The following CBFB variants were observed in gnomAD, a reference collection of about 807,000 sequenced individuals.
CBFB encodes the protein CBF-beta.
A neutral mutation model predicts 30.4 loss-of-function variants in CBFB; 9 were observed. The observed-to-expected ratio is 0.30, with a 90% CI of 0.18 to 0.52. The LOEUF is 0.52. Among genes scored for constraint, CBFB ranks in the 20% least tolerant of loss-of-function variants. The probability of loss-of-function intolerance (pLI) is 0.97; values close to 1 mark genes in which losing one functional copy is unlikely to be tolerated. For synonymous variants in CBFB, 94 were observed against 84.0 expected, an observed-to-expected ratio of 1.12 and a Z score of -0.65; for missense variants, 170 against 244.0, an observed-to-expected ratio of 0.70 and a Z score of 2.02.
At chr16:67,096,211 C>T (rs1470358276) in intron 5 of CBFB, among the ~76,000 whole-genome samples, 1 of 151,312 alleles carries the variant, frequency 6.6e-6, no homozygotes, top group East Asian at 2.0e-4. Context: ...GCTTGGGAGG[C>T]GGGGCAGGAG....
At chr16:67,064,057 T>C (rs181565534) in intron 3 of CBFB, among the ~76,000 whole-genome samples, 1 of 152,332 alleles carries the variant, frequency 6.6e-6, no homozygotes, top group Admixed American at 6.5e-5. Context: ...AATATATATT[T>C]GATAATCTGC....
chr16:67,073,847 C>T (rs1482008889), intron 4 of CBFB, among the ~76,000 whole-genome samples: 1 of 151,754 alleles, frequency 6.6e-6, no homozygotes, highest in Admixed American at 6.6e-5. Flanking sequence ...ACCAGCCTGG[C>T]CAACATGGTG....
At chr16:67,063,658 A>T (rs1960972796) in intron 3 of CBFB, among the ~76,000 whole-genome samples, 1 of 152,078 alleles carries the variant, frequency 6.6e-6, no homozygotes. Context: ...GTCCCAGCTG[A>T]TCTTGAACTC....
intron 4 of CBFB, among the ~76,000 whole-genome samples, chr16:67,070,826 G>C (rs1208286318): frequency 6.6e-6 from 1 of 152,174 alleles, no homozygotes; most frequent in East Asian, 1.9e-4. Context: ...ACTCCAGCCT[G>C]GGTGACAGAG....
intron 3 of CBFB, among the ~76,000 whole-genome samples, chr16:67,064,254 T>C (rs1960991530): frequency 6.6e-6 from 1 of 152,256 alleles, no homozygotes; most frequent in South Asian, 2.1e-4. Context: ...TCACCCAGGC[T>C]GGAGTGCAGT....
intron 3 of CBFB, among the ~76,000 whole-genome samples, chr16:67,044,082 A>T (rs16957128): frequency 0.036 from 5,543 of 152,290 alleles, 148 homozygotes; most frequent in South Asian, 0.078. Flanking sequence ...CTTATTTCCA[A>T]TTACTTTTAT....
chr16:67,059,338 A>G (rs1041238323), intron 3 of CBFB, among the ~76,000 whole-genome samples: 4 of 152,196 alleles, frequency 2.6e-5, no homozygotes, highest in Non-Finnish European at 5.9e-5. Context: ...AAAGAAGAAC[A>G]TTTACCATCT....
At chr16:67,066,255 T>C (rs572190357) in intron 3 of CBFB, among the ~76,000 whole-genome samples, 10 of 151,938 alleles carry the variant, frequency 6.6e-5, no homozygotes, top group Non-Finnish European at 1.5e-4. Context: ...CATTCAAAAA[T>C]CAAAGTGTCT....
chr16:67,047,911 A>G (rs1966658334), intron 3 of CBFB, among the ~76,000 whole-genome samples: 1 of 152,052 alleles, frequency 6.6e-6, no homozygotes, highest in South Asian at 2.1e-4. Context: ...TCTACTAGGA[A>G]TGCAAAAATT....
intron 3 of CBFB, among the ~76,000 whole-genome samples, chr16:67,064,199 T>G (rs946730911): frequency 6.6e-6 from 1 of 152,144 alleles, no homozygotes; most frequent in Non-Finnish European, 1.5e-5. Context: ...CCTAAAATTA[T>G]GTGTTTTGTT....
chr16:67,066,391 T>TAAAAAAAAAA lies in CBFB; in HGVS notation c.283-290_283-289insAAAAAAAAAA, dbSNP rs1961054183. Among the ~76,000 whole-genome samples the TAAAAAAAAAA allele has an allele frequency of 8.9e-4, 25 of 28,232 alleles. 1 individual carries two copies. In the South Asian group the frequency reaches 9.7e-3, roughly 11 times the overall value. 18.5% of individuals were successfully genotyped at this position (28,232 alleles called of 152,430 possible). A position where few individuals can be genotyped will look rare whatever the true frequency, so the allele number is the denominator to read the frequency against. ...GGTGAAACCCCATCTCTACTAAAAATACAAAAAAAAAAAAAAAAATTAGCC... is the reference window on the plus strand; with the variant it reads ...GGTGAAACCCCATCTCTACTAAAAATAAAAAAAAAAACAAAAAAAAAAAAAAAAATTAGCC... On this transcript the variant is annotated intron_variant, in intron 3 of 5. Coordinates refer to ENST00000412916, the MANE Select transcript of CBFB (RefSeq NM_022845.3).
At chr16:67,042,157 C>G (rs1296793391) in intron 3 of CBFB, among the ~76,000 whole-genome samples, 1 of 152,162 alleles carries the variant, frequency 6.6e-6, no homozygotes. Context: ...CTCCTGACCT[C>G]AAGTGATCCT....
At chr16:67,042,702 TAG>T (rs947411079) in intron 3 of CBFB, among the ~76,000 whole-genome samples, 2 of 152,170 alleles carry the variant, frequency 1.3e-5, no homozygotes, top group African/African-American at 4.8e-5. Context: ...TGCTTCTCCA[TAG>T]AGAGAAAAAG....
chr16:67,058,504 T>A (rs1173913203), intron 3 of CBFB, among the ~76,000 whole-genome samples: 1 of 152,200 alleles, frequency 6.6e-6, no homozygotes, highest in Non-Finnish European at 1.5e-5. Context: ...TGAGCAGTGC[T>A]ATTGTAGTGC....
intron 3 of CBFB, among the ~76,000 whole-genome samples, chr16:67,064,727 A>C (rs1961005192): frequency 6.6e-6 from 1 of 152,222 alleles, no homozygotes; most frequent in Non-Finnish European, 1.5e-5. Flanking sequence ...ATCAAAAATG[A>C]TCTAAATTTG....
intron 3 of CBFB, among the ~76,000 whole-genome samples, chr16:67,057,461 C>T (rs2145739406): frequency 6.6e-6 from 1 of 152,270 alleles, no homozygotes; most frequent in Non-Finnish European, 1.5e-5. Context: ...GGCTAATTCA[C>T]AGACGTGGCA....
At chr16:67,047,808 C>T (rs562197551) in intron 3 of CBFB, among the ~76,000 whole-genome samples, 2 of 152,190 alleles carry the variant, frequency 1.3e-5, no homozygotes, top group South Asian at 2.1e-4. Flanking sequence ...GTGGCTCGTG[C>T]CTTTGGTCCC....
At chr16:67,054,750 T>TTTTG (rs147035000) in intron 3 of CBFB, among the ~76,000 whole-genome samples, 6 of 151,896 alleles carry the variant, frequency 4.0e-5, no homozygotes, top group African/African-American at 7.2e-5. Context: ...CAACAGAGCT[T>TTTTG]TTTGTTTGTT....
In CBFB at chr16:67,029,322, C is replaced by T. The variant is rs986417062; in HGVS notation, c.-86C>T. ...CGGGCGTCCGGGCGCCGCGGGTGGGCGGTCAGTCGGTCAGCGCGGAGCCAG... is the reference window on the plus strand; with the variant it reads ...CGGGCGTCCGGGCGCCGCGGGTGGGTGGTCAGTCGGTCAGCGCGGAGCCAG... On this transcript the variant is annotated 5_prime_UTR_variant, in exon 1 of 6. Transcript: ENST00000412916. The T allele has an allele frequency of 1.2e-5, 11 of 897,680 alleles. No homozygotes were observed. The African/African-American group carries it at 1.2e-4, about 10-fold the overall frequency. 55.6% of individuals were successfully genotyped at this position (897,680 alleles called of 1,614,324 possible). A position where few individuals can be genotyped will look rare whatever the true frequency, so the allele number is the denominator to read the frequency against.
Sources: allele counts gnomAD v4.1 joint callset (sites outside exome capture counted in the v4.1 genomes callset), GRCh38; gene constraint gnomAD v4.1.1; transcripts MANE v1.5; gene names NCBI Gene and HGNC (gene_info 2026-07-23, HGNC 2026-07-21).